Variants in ICA1 observed in about 807,000 individuals in gnomAD.
The protein encoded by ICA1 is 69 kDa islet cell autoantigen.
ICA1 carries 40 observed loss-of-function variants against 71.0 expected under a neutral mutation model. The observed-to-expected ratio is 0.56, with a 90% confidence interval of 0.44 to 0.73. The LOEUF (loss-of-function observed/expected upper bound fraction) is 0.73. ICA1 is among the 30% of genes least tolerant of loss of function. The pLI, the probability that ICA1 is intolerant of heterozygous loss-of-function variation, is 0.00. For missense variants in ICA1, 578 were observed against 576.5 expected (o/e 1.00, Z -0.03); for synonymous variants, 207 against 209.5 (o/e 0.99, Z 0.10).
At chr7:8,133,294 T>G (rs1266855673) in intron 12 of ICA1, among the ~76,000 whole-genome samples, 1 of 152,168 alleles carries the variant, frequency 6.6e-6, no homozygotes, top group East Asian at 1.9e-4. Flanking sequence ...ATTTCTTTCT[T>G]TTCTTTTCTT....
At chr7:8,155,487 C>A (rs1801173203) in intron 8 of ICA1, among the ~76,000 whole-genome samples, 1 of 152,210 alleles carries the variant, frequency 6.6e-6, no homozygotes, top group African/African-American at 2.4e-5. Flanking sequence ...TGTGGCACAA[C>A]TTCAATTTCA....
At position 8,237,835 on chromosome 7, in the gene ICA1, C is replaced by CACACACAA. The variant is rs1554373649; in HGVS notation, c.-79-1831_-79-1830insTTGTGTGT. On this transcript the variant is annotated intron_variant, in intron 1 of 13. Coordinates refer to ENST00000402384, the MANE Select transcript of ICA1 (RefSeq NM_001136020.3). ...TTGAAGACAGACACACACACACACA[C>CACACACAA]ACACACACACACACACACCATTTTC... Among the ~76,000 whole-genome samples, 560 of 151,844 alleles carry CACACACAA rather than the reference C, an allele frequency of 3.7e-3. 2 individuals carry two copies. Among genetic ancestry groups the CACACACAA allele is most frequent in the African/African-American group, 0.013 (526 of 41,366 alleles).
chr7:8,187,074 C>T (rs1318027100), intron 6 of ICA1, among the ~76,000 whole-genome samples: 1 of 152,196 alleles, frequency 6.6e-6, no homozygotes, highest in Non-Finnish European at 1.5e-5. Flanking sequence ...CGTGATTACA[C>T]TTATGTGTCA....
intron 10 of ICA1, 112 bp downstream of exon 10, chr7:8,141,653 C>G: frequency 1.5e-6 from 1 of 651,722 alleles, no homozygotes; most frequent in Admixed American, 3.1e-5. Context: ...AGCCTTTTCT[C>G]AGTTGAAAAA....
At chr7:8,146,422 T>C (rs944511090) in intron 8 of ICA1, among the ~76,000 whole-genome samples, 3 of 152,054 alleles carry the variant, frequency 2.0e-5, no homozygotes, top group African/African-American at 7.3e-5. Flanking sequence ...AGAGTACAAG[T>C]CTTGAGACTG....
rs17145036 is a variant in ICA1, at chr7:8,207,706, C to T, written c.579+10599G>A. Among the ~76,000 whole-genome samples the T allele has an allele frequency of 8.3e-3, 1,265 of 152,242 alleles. 19 individuals are homozygous for T. The highest frequency in any genetic ancestry group is 0.025 in the African/African-American group (1,035 of 41,542). ...AGCTCCTGCTGACCAGGACATAAAC[C>T]GGTAACATGCCAGCCTCCATTTCCT... On this transcript the variant is annotated intron_variant, in intron 6 of 13. Transcript: ENST00000402384.
chr7:8,239,473 G>C (rs991942621), intron 1 of ICA1, among the ~76,000 whole-genome samples: 1 of 152,174 alleles, frequency 6.6e-6, no homozygotes, highest in African/African-American at 2.4e-5. Context: ...GCAGCTCCCA[G>C]CGTGGCTGAC....
rs144959340 is a variant in ICA1 at position 8,188,694 on chromosome 7, G to A, written c.579+29611C>T. Among the ~76,000 whole-genome samples, 688 of 152,286 alleles carry A rather than the reference G, an allele frequency of 4.5e-3. 3 individuals are homozygous for A. The highest frequency in any genetic ancestry group is 0.015 in the African/African-American group (610 of 41,560). On this transcript the variant is annotated intron_variant, in intron 6 of 13. Transcript: ENST00000402384. ...GAGGTAAGGAATATTTTAAACTTGG[G>A]AGTACCAGAGTTGCTGCCAATCCTG...
chr7:8,210,580 G>A (rs1244824585), intron 6 of ICA1, among the ~76,000 whole-genome samples: 4 of 151,024 alleles, frequency 2.6e-5, no homozygotes, highest in South Asian at 2.1e-4. Flanking sequence ...ATTTATAAAC[G>A]CAAAATTATG....
At chr7:8,244,758 A>G (rs1310783189) in intron 1 of ICA1, among the ~76,000 whole-genome samples, 1 of 152,252 alleles carries the variant, frequency 6.6e-6, no homozygotes, top group Non-Finnish European at 1.5e-5. Flanking sequence ...GGATATGAAC[A>G]GACACTTCAC....
chr7:8,161,823 T>A (rs1277224283), intron 6 of ICA1, among the ~76,000 whole-genome samples: 1 of 152,242 alleles, frequency 6.6e-6, no homozygotes, highest in Non-Finnish European at 1.5e-5. Context: ...CTGCTTACCA[T>A]AGCCTTGTGT....
chr7:8,129,381 A>ATTTT (rs1355749720), intron 12 of ICA1, among the ~76,000 whole-genome samples: 2 of 151,408 alleles, frequency 1.3e-5, no homozygotes, highest in African/African-American at 2.4e-5. Flanking sequence ...TTTTTTAAAA[A>ATTTT]AAAAAAAGTT....
intron 6 of ICA1, among the ~76,000 whole-genome samples, chr7:8,207,364 G>C (rs989870923): frequency 6.6e-6 from 1 of 152,122 alleles, no homozygotes; most frequent in Admixed American, 6.6e-5. Flanking sequence ...TCTTTTTAGG[G>C]CTCCCTGAAC....
At chr7:8,145,628 C>A (rs1796575949) in intron 8 of ICA1, among the ~76,000 whole-genome samples, 1 of 151,784 alleles carries the variant, frequency 6.6e-6, no homozygotes, top group Admixed American at 6.6e-5. Flanking sequence ...AATAGAACCA[C>A]ATGCAGCAAG....
At chr7:8,230,969 C>A (rs1285186963) in intron 3 of ICA1, among the ~76,000 whole-genome samples, 2 of 152,054 alleles carry the variant, frequency 1.3e-5, no homozygotes, top group Admixed American at 6.6e-5. Flanking sequence ...GGAATTTGAT[C>A]TCATAGTGGA....
intron 4 of ICA1, chr7:8,227,884 C>T (rs532110083): frequency 2.2e-6 from 1 of 445,748 alleles, no homozygotes; most frequent in Non-Finnish European, 4.6e-6. Flanking sequence ...ATGCACCCAG[C>T]CTACCAAAAT....
At chr7:8,214,290 C>G (rs1268240858) in intron 6 of ICA1, among the ~76,000 whole-genome samples, 2 of 152,338 alleles carry the variant, frequency 1.3e-5, no homozygotes, top group African/African-American at 4.8e-5. Context: ...AGCAAGCTCA[C>G]AACTTCAGCT....
intron 6 of ICA1, among the ~76,000 whole-genome samples, chr7:8,192,773 T>G (rs1358542437): frequency 6.6e-6 from 1 of 152,226 alleles, no homozygotes; most frequent in African/African-American, 2.4e-5. Context: ...AGCTCATGGA[T>G]TCTTACTTTA....
intron 8 of ICA1, among the ~76,000 whole-genome samples, chr7:8,153,194 C>T (rs1438073419): frequency 2.0e-5 from 3 of 152,174 alleles, no homozygotes; most frequent in African/African-American, 7.2e-5. Flanking sequence ...ATCACAAAAC[C>T]AGAGGAAATG....
Sources: allele counts gnomAD v4.1 joint callset (sites outside exome capture counted in the v4.1 genomes callset), GRCh38; gene constraint gnomAD v4.1.1; transcripts MANE v1.5; gene names NCBI Gene and HGNC (gene_info 2026-07-23, HGNC 2026-07-21).